The following BNC2 variants were observed in gnomAD, a reference collection of about 807,000 sequenced individuals.
The protein encoded by BNC2 is basonuclin zinc finger protein 2.
BNC2 carries 20 observed loss-of-function variants against 76.3 expected under a neutral mutation model. That is an observed-to-expected ratio of 0.26 (90% confidence interval 0.18 to 0.38). The LOEUF (loss-of-function observed/expected upper bound fraction) is 0.38. Ranked by LOEUF, BNC2 falls within the 10% of genes least tolerant of loss-of-function variation. The pLI, the probability that BNC2 is intolerant of heterozygous loss-of-function variation, is 1.00. For missense variants in BNC2, 1,382 were observed against 1,399.8 expected (o/e 0.99, Z 0.20); for synonymous variants, 582 against 514.8 (o/e 1.13, Z -1.77).
chr9:16,498,974 T>C (rs1184034236), intron 5 of BNC2, among the ~76,000 whole-genome samples: 5 of 152,206 alleles, frequency 3.3e-5, no homozygotes, highest in Admixed American at 6.5e-5. Context: ...ACTAGACAGA[T>C]TGAACATATT....
chr9:16,457,819 A>G (rs75949516), intron 5 of BNC2, among the ~76,000 whole-genome samples: 1,718 of 152,348 alleles, frequency 0.011, 33 homozygotes, highest in African/African-American at 0.039. Flanking sequence ...CAACCTGGCA[A>G]GCAGGCCTCC....
chr9:16,453,926 A>C (rs1821393720), intron 5 of BNC2, among the ~76,000 whole-genome samples: 1 of 152,226 alleles, frequency 6.6e-6, no homozygotes, highest in African/African-American at 2.4e-5. Flanking sequence ...CTTAGTTCTC[A>C]CATACACACT....
intron 1 of BNC2, among the ~76,000 whole-genome samples, chr9:16,859,997 C>T (rs1466983140): frequency 6.6e-6 from 1 of 152,078 alleles, no homozygotes. Flanking sequence ...TGCCATGTGC[C>T]TGTAATCCCA....
At chr9:16,497,986 T>TGTGTG (rs1554653631) in intron 5 of BNC2, among the ~76,000 whole-genome samples, 2 of 114,388 alleles carry the variant, frequency 1.7e-5, no homozygotes, top group Non-Finnish European at 3.1e-5. Context: ...GTGGTGTGTG[T>TGTGTG]GTGTGTGTGT....
At position 16,624,348 on chromosome 9, in the gene BNC2, T is replaced by C. The variant is rs576243827; in HGVS notation, c.331-41263A>G. Among the ~76,000 whole-genome samples, 17 of 152,290 alleles carry C rather than the reference T, an allele frequency of 1.1e-4. No individual in the cohort carries two copies. The East Asian group carries it at 3.1e-3, about 28-fold the overall frequency. The stretch of plus-strand genomic sequence containing the variant: ...TGGCTTAAACAAAGTTATATAAATG[T>C]TCACTATGGCAACAACACCAGATGT... On this transcript the variant is annotated intron_variant, in intron 3 of 6. Coordinates refer to ENST00000380672, the MANE Select transcript of BNC2 (RefSeq NM_017637.6).
intron 5 of BNC2, among the ~76,000 whole-genome samples, chr9:16,491,811 A>T (rs747038236): frequency 6.6e-6 from 1 of 152,208 alleles, no homozygotes; most frequent in African/African-American, 2.4e-5. Flanking sequence ...ACAAAGAAAA[A>T]GTTACTACTA....
At chr9:16,494,040 C>G (rs898263213) in intron 5 of BNC2, among the ~76,000 whole-genome samples, 4 of 152,166 alleles carry the variant, frequency 2.6e-5, no homozygotes, top group African/African-American at 9.7e-5. Flanking sequence ...GTCCTAGGCA[C>G]TGGAGATACA....
At chr9:16,545,709 G>A (rs1489011995) in intron 5 of BNC2, among the ~76,000 whole-genome samples, 1 of 152,088 alleles carries the variant, frequency 6.6e-6, no homozygotes, top group South Asian at 2.1e-4. Flanking sequence ...CAGTCACATG[G>A]CCTCATTTAC....
chr9:16,633,400 A>T (rs113763865), intron 3 of BNC2, among the ~76,000 whole-genome samples: 1 of 152,224 alleles, frequency 6.6e-6, no homozygotes, highest in Non-Finnish European at 1.5e-5. Flanking sequence ...AACTTCATTT[A>T]TGGCTACTCT....
chr9:16,713,772 T>G (rs1319281388), intron 3 of BNC2, among the ~76,000 whole-genome samples: 2 of 152,142 alleles, frequency 1.3e-5, no homozygotes, highest in African/African-American at 4.8e-5. Context: ...CAGCTAAAAT[T>G]AAAATACTTA....
chr9:16,696,902 A>C (rs1587326585), intron 3 of BNC2, among the ~76,000 whole-genome samples: 1 of 152,226 alleles, frequency 6.6e-6, no homozygotes, highest in Non-Finnish European at 1.5e-5. Context: ...AAGGTTCAGT[A>C]ACTAACTCAA....
chr9:16,644,600 G>C (rs1176589743), intron 3 of BNC2, among the ~76,000 whole-genome samples: 1 of 152,030 alleles, frequency 6.6e-6, no homozygotes, highest in Non-Finnish European at 1.5e-5. Context: ...TGTGTTTATA[G>C]AAAATCACCA....
At chr9:16,529,561 C>G (rs118186584) in intron 5 of BNC2, among the ~76,000 whole-genome samples, 2,139 of 152,170 alleles carry the variant, frequency 0.014, 20 homozygotes, top group South Asian at 0.031. Flanking sequence ...GACATCTTCC[C>G]AAATTTTCTT....
intron 3 of BNC2, among the ~76,000 whole-genome samples, chr9:16,637,876 T>C (rs540697491): frequency 2.6e-4 from 39 of 152,334 alleles, no homozygotes; most frequent in African/African-American, 7.7e-4. Context: ...GCGAACAGTA[T>C]TGTGGTGTAA....
intron 1 of BNC2, among the ~76,000 whole-genome samples, chr9:16,835,527 T>A (rs2136053158): frequency 6.6e-6 from 1 of 151,954 alleles, no homozygotes; most frequent in Non-Finnish European, 1.5e-5. Context: ...GGTGAAACCC[T>A]GTCCCTACTA....
chr9:16,712,695 A>G (rs1211263159), intron 3 of BNC2, among the ~76,000 whole-genome samples: 1 of 152,230 alleles, frequency 6.6e-6, no homozygotes, highest in Non-Finnish European at 1.5e-5. Flanking sequence ...TTTTGAAAAT[A>G]CACTTGAGAC....
At chr9:16,615,633 T>C (rs1587238091) in intron 3 of BNC2, among the ~76,000 whole-genome samples, 1 of 152,200 alleles carries the variant, frequency 6.6e-6, no homozygotes, top group East Asian at 1.9e-4. Context: ...ATCGAACCTA[T>C]AAAAACATTC....
At chr9:16,525,891 T>C (rs1817785317) in intron 5 of BNC2, among the ~76,000 whole-genome samples, 1 of 152,220 alleles carries the variant, frequency 6.6e-6, no homozygotes, top group African/African-American at 2.4e-5. Context: ...TAATTTTTTT[T>C]TGCTAAAGGC....
chr9:16,653,201 A>C (rs1458467499), intron 3 of BNC2, among the ~76,000 whole-genome samples: 1 of 152,178 alleles, frequency 6.6e-6, no homozygotes, highest in Non-Finnish European at 1.5e-5. Context: ...GTGTAGTTTT[A>C]CTGTTAAACA....
Sources: allele counts gnomAD v4.1 joint callset (sites outside exome capture counted in the v4.1 genomes callset), GRCh38; gene constraint gnomAD v4.1.1; transcripts MANE v1.5; gene names NCBI Gene and HGNC (gene_info 2026-07-23, HGNC 2026-07-21).